VEPH1: variants seen among roughly 807,000 people sequenced by gnomAD.
VEPH1 encodes ventricular zone expressed PH domain containing 1.
A neutral mutation model predicts 85.2 loss-of-function variants in VEPH1; 80 were observed. The ratio of observed to expected loss-of-function variants is 0.94; its 90% confidence interval spans 0.78 to 1.13. VEPH1 has a LOEUF of 1.13. Ranked by LOEUF, VEPH1 falls within the 50% of genes most tolerant of loss-of-function variation. The probability of loss-of-function intolerance (pLI) is 0.00; values close to 1 mark genes in which losing one functional copy is unlikely to be tolerated. For missense variants in VEPH1, 955 were observed against 980.5 expected (o/e 0.97, Z 0.35); for synonymous variants, 297 against 348.0 (o/e 0.85, Z 1.63).
intron 6 of VEPH1, among the ~76,000 whole-genome samples, chr3:157,402,358 T>A (rs1204796306): frequency 6.6e-6 from 1 of 152,200 alleles, no homozygotes; most frequent in Non-Finnish European, 1.5e-5. Flanking sequence ...GAAACTCTTC[T>A]GGATGAAGAA....
intron 1 of VEPH1, among the ~76,000 whole-genome samples, chr3:157,498,240 A>G (rs1456094): frequency 0.65 from 99,174 of 152,066 alleles, 32,913 homozygotes; most frequent in African/African-American, 0.77. Context: ...CAGCGATTAT[A>G]GGACCTTTAG....
At chr3:157,405,790 T>C (rs1731098697) in intron 6 of VEPH1, among the ~76,000 whole-genome samples, 1 of 152,310 alleles carries the variant, frequency 6.6e-6, no homozygotes, top group Middle Eastern at 3.4e-3. Context: ...TAACAGCAAG[T>C]ACCAAATTAA....
chr3:157,491,308 C>T (rs1338972503), intron 2 of VEPH1, among the ~76,000 whole-genome samples: 1 of 152,012 alleles, frequency 6.6e-6, no homozygotes, highest in African/African-American at 2.4e-5. Flanking sequence ...ATGAGGTGAG[C>T]ACCAATGGAA....
At chr3:157,469,174 A>T (rs1487045421) in intron 3 of VEPH1, among the ~76,000 whole-genome samples, 1 of 152,208 alleles carries the variant, frequency 6.6e-6, no homozygotes, top group Non-Finnish European at 1.5e-5. Context: ...ATTTTGCTGC[A>T]ATCCTCATTT....
intron 9 of VEPH1, among the ~76,000 whole-genome samples, chr3:157,325,379 A>T (rs1721785192): frequency 6.6e-6 from 1 of 151,988 alleles, no homozygotes; most frequent in Admixed American, 6.6e-5. Flanking sequence ...TTTTGTTGCA[A>T]TTGCTTTTTG....
At chr3:157,443,144 T>C (rs988057580) in intron 4 of VEPH1, 32 of 797,662 alleles carry the variant, frequency 4.0e-5, no homozygotes, top group Non-Finnish European at 5.6e-5. Flanking sequence ...GAATAAACAG[T>C]TGAAGGAAAG....
Position 157,313,724 on chromosome 3 carries a change from C to T in VEPH1, c.1907G>A (p.Ser636Asn), listed in dbSNP as rs1159011255. The T allele has an allele frequency of 6.2e-7, 1 of 1,614,034 alleles. No individual in the cohort carries two copies. Among genetic ancestry groups the T allele is most frequent in the African/African-American group, 1.3e-5 (1 of 75,036 alleles). Residue 636 changes from serine (S) to asparagine (N), a missense_variant, in exon 11 of 14, where the codon AGT becomes AAT. By Grantham distance (46) the Ser-to-Asn change is conservative (BLOSUM62 1). Transcript: ENST00000362010. ...SLFPEPLSIQSHSVQFLRALW... is the reference protein window; with the variant it reads ...SLFPEPLSIQNHSVQFLRALW... ...AGCTCTGAGGAATTGCACAGAATGA[C>T]TCTGAATGGACAGGGGTTCAGGAAA...
At chr3:157,362,329 C>G (rs112308650) in intron 9 of VEPH1, among the ~76,000 whole-genome samples, 1 of 152,200 alleles carries the variant, frequency 6.6e-6, no homozygotes, top group Non-Finnish European at 1.5e-5. Context: ...CTGCGCCCAG[C>G]CTTTACTGAG....
At chr3:157,329,612 CAG>C (rs746636981) in intron 9 of VEPH1, among the ~76,000 whole-genome samples, 26 of 144,938 alleles carry the variant, frequency 1.8e-4, no homozygotes, top group Admixed American at 5.4e-4. Flanking sequence ...TAATATTAAA[CAG>C]AGTTGCCTTT....
intron 10 of VEPH1, among the ~76,000 whole-genome samples, chr3:157,315,403 C>A (rs1048176664): frequency 6.6e-6 from 1 of 151,860 alleles, no homozygotes; most frequent in African/African-American, 2.4e-5. Flanking sequence ...ATGAAGCACC[C>A]AATTTTTCAT....
At chr3:157,386,310 T>C (rs1729297023) in intron 6 of VEPH1, among the ~76,000 whole-genome samples, 3 of 128,996 alleles carry the variant, frequency 2.3e-5, no homozygotes, top group Non-Finnish European at 3.1e-5. Context: ...TAACACAAGG[T>C]TTTTTTTTCT....
intron 9 of VEPH1, among the ~76,000 whole-genome samples, chr3:157,337,241 C>G (rs1489470547): frequency 1.3e-5 from 2 of 151,496 alleles, no homozygotes; most frequent in Non-Finnish European, 1.5e-5. Flanking sequence ...ATAAATGTTA[C>G]TTATAAAGAG....
At chr3:157,323,500 G>A (rs995534228) in intron 9 of VEPH1, among the ~76,000 whole-genome samples, 1 of 152,178 alleles carries the variant, frequency 6.6e-6, no homozygotes, top group African/African-American at 2.4e-5. Context: ...ATTTACAACA[G>A]TATTAGTTGA....
At chr3:157,472,499 T>C (rs1398138699) in intron 2 of VEPH1, among the ~76,000 whole-genome samples, 2 of 152,226 alleles carry the variant, frequency 1.3e-5, no homozygotes, top group African/African-American at 4.8e-5. Context: ...CAACTTTCCC[T>C]ATGTAAGCTT....
intron 3 of VEPH1, among the ~76,000 whole-genome samples, chr3:157,462,284 T>TATG (rs150678586): frequency 0.038 from 5,798 of 152,178 alleles, 366 homozygotes; most frequent in African/African-American, 0.13. Flanking sequence ...TTCATCAAGA[T>TATG]ATGATATGAC....
chr3:157,404,601 T>C (rs1731016590), intron 6 of VEPH1, among the ~76,000 whole-genome samples: 1 of 152,118 alleles, frequency 6.6e-6, no homozygotes. Flanking sequence ...TGGGAAATTC[T>C]AGGGAGAGTT....
chr3:157,481,518 C>A (rs1738095673), intron 2 of VEPH1, among the ~76,000 whole-genome samples: 1 of 134,264 alleles, frequency 7.4e-6, no homozygotes, highest in Admixed American at 7.6e-5. Context: ...AAGTTGGAGA[C>A]ATCACATTAC....
intron 7 of VEPH1, among the ~76,000 whole-genome samples, chr3:157,372,500 C>CT (rs766692438): frequency 7.2e-5 from 11 of 152,206 alleles, no homozygotes; most frequent in Non-Finnish European, 1.5e-4. Context: ...TTTTCCTCAA[C>CT]TGTAACCCAT....
At chr3:157,415,783 G>T (rs1268888512) in intron 5 of VEPH1, among the ~76,000 whole-genome samples, 2 of 152,040 alleles carry the variant, frequency 1.3e-5, no homozygotes, top group Non-Finnish European at 2.9e-5. Context: ...TTCTTTTGCA[G>T]CTGGGATTTT....
Sources: gnomAD v4.1 joint callset for allele counts (sites outside exome capture counted in the v4.1 genomes callset) on GRCh38, gnomAD v4.1.1 for gene constraint, MANE v1.5 for transcripts, NCBI Gene and HGNC (gene_info 2026-07-23, HGNC 2026-07-21) for gene names.